The following TEX11 variants were observed in gnomAD, a reference collection of about 807,000 sequenced individuals.
The protein encoded by TEX11 is testis expressed 11, also known as testis-expressed protein 11.
In TEX11, 7 loss-of-function variants were observed where a neutral mutation model predicts 84.4. That is an observed-to-expected ratio of 0.08 (90% confidence interval 0.05 to 0.16). The LOEUF is 0.16. Ranked by LOEUF, TEX11 falls within the 10% of genes least tolerant of loss-of-function variation. The pLI is 1.00. For missense variants in TEX11, 551 were observed against 660.5 expected, an observed-to-expected ratio of 0.83 and a Z score of 1.82; for synonymous variants, 264 against 222.8, an observed-to-expected ratio of 1.18 and a Z score of -1.64.
chrX:70,818,030 T>C (rs901044639), intron 8 of TEX11, among the ~76,000 whole-genome samples: 2 of 111,406 alleles, frequency 1.8e-5, no homozygotes, highest in Non-Finnish European at 3.8e-5. Context: ...CTCCAGAGCC[T>C]GTAATCCCAG....
chrX:70,516,594 A>G, the TEX11 span, among the ~76,000 whole-genome samples: 2 of 111,574 alleles, frequency 1.8e-5, no homozygotes, highest in African/African-American at 6.5e-5. Flanking sequence ...GGATTGTCTT[A>G]GCAATGCGGG....
At chrX:70,867,758 A>C (rs1451931058) in intron 4 of TEX11, among the ~76,000 whole-genome samples, 2 of 110,029 alleles carry the variant, frequency 1.8e-5, no homozygotes, top group East Asian at 5.6e-4. Flanking sequence ...CAAACTTGAC[A>C]AAAAAAAAGC....
chrX:70,525,032 T>G (rs2087810214), downstream of TEX11, among the ~76,000 whole-genome samples: 4 of 110,599 alleles, frequency 3.6e-5, no homozygotes. Context: ...ATAAAAAAAA[T>G]TAGCTAATCA....
At chrX:70,772,442 C>T (rs749708487) in intron 9 of TEX11, among the ~76,000 whole-genome samples, 10 of 110,525 alleles carry the variant, frequency 9.0e-5, no homozygotes, top group South Asian at 7.9e-4. Flanking sequence ...GGCATGGTGA[C>T]GCACACCTGT....
chrX:70,855,348 T>C (rs1387042807), intron 5 of TEX11, among the ~76,000 whole-genome samples: 1 of 110,215 alleles, frequency 9.1e-6, no homozygotes, highest in Non-Finnish European at 1.9e-5. Flanking sequence ...GTGGAAAGCC[T>C]GAGCTCAGTA....
intron 13 of TEX11, among the ~76,000 whole-genome samples, chrX:70,701,832 G>A (rs905907893): frequency 3.6e-5 from 4 of 111,515 alleles, no homozygotes; most frequent in Non-Finnish European, 5.7e-5. Flanking sequence ...ACTTGGAGGG[G>A]TTCAAGACTT....
chrX:70,702,948 T>C (rs73542943), intron 13 of TEX11, among the ~76,000 whole-genome samples: 7,796 of 111,507 alleles, frequency 0.07, 577 homozygotes, highest in African/African-American at 0.21. Flanking sequence ...CAAATCATAG[T>C]AGTAGCAAAC....
intron 28 of TEX11, among the ~76,000 whole-genome samples, chrX:70,533,846 G>C (rs1297806129): frequency 1.8e-5 from 2 of 110,569 alleles, no homozygotes; most frequent in Non-Finnish European, 3.8e-5. Context: ...GTAATCCCAG[G>C]ACTTTGGGAG....
At chrX:70,901,955 A>G (rs990050649) in intron 2 of TEX11, among the ~76,000 whole-genome samples, 2 of 113,064 alleles carry the variant, frequency 1.8e-5, no homozygotes, top group Non-Finnish European at 3.7e-5. Context: ...TAAAAATATA[A>G]AAGATTAAAA....
intron 17 of TEX11, among the ~76,000 whole-genome samples, chrX:70,645,769 G>C (rs1237774619): frequency 3.6e-5 from 4 of 111,316 alleles, no homozygotes; most frequent in Non-Finnish European, 7.5e-5. Context: ...ATGAAAGAAA[G>C]TGAAGAAAAC....
intron 7 of TEX11, among the ~76,000 whole-genome samples, chrX:70,838,159 C>T (rs771044875): frequency 3.1e-4 from 35 of 112,015 alleles, no homozygotes; most frequent in African/African-American, 1.1e-3. Flanking sequence ...TAGCTCACAC[C>T]TGCAATCCCA....
At position 70,812,673 on chromosome X, in the gene TEX11, A is replaced by G. The variant is rs12392221; in HGVS notation, c.607-5883T>C. The stretch of plus-strand genomic sequence containing the variant: ...GAATCCAGGAGCTGGTTTTTTGAAA[A>G]GATCAACAAAATTGATAGATCGCTA... On this transcript the variant is annotated intron_variant, in intron 8 of 29. Transcript: ENST00000374333. 8.7e-3 allele frequency among the ~76,000 whole-genome samples: 972 copies of G among 111,305 alleles called. 13 individuals carry two copies. Among genetic ancestry groups the G allele is most frequent in the African/African-American group, 0.03 (918 of 30,642 alleles).
rs766266606 is a variant in TEX11, at chrX:70,851,889, T to C, written c.525+1145A>G. 1.7e-3 allele frequency among the ~76,000 whole-genome samples: 187 copies of C among 111,709 alleles called. 5 individuals carry two copies. Among genetic ancestry groups the C allele is most frequent in the Non-Finnish European group, 4.3e-4 (23 of 53,154 alleles). The stretch of plus-strand genomic sequence containing the variant: ...GAAGCTAATCACAAAAGACCACTTA[T>C]TGCATGATTATATTAATATGAAATG... On this transcript the variant is annotated intron_variant, in intron 7 of 29. Transcript: ENST00000374333.
At chrX:70,545,389 C>T (rs890211725) in intron 28 of TEX11, among the ~76,000 whole-genome samples, 5 of 111,136 alleles carry the variant, frequency 4.5e-5, no homozygotes, top group Non-Finnish European at 9.4e-5. Context: ...AACTAAGACA[C>T]AAACACATAT....
At chrX:70,516,884 T>C in the TEX11 span, among the ~76,000 whole-genome samples, 2 of 111,682 alleles carry the variant, frequency 1.8e-5, no homozygotes, top group South Asian at 7.6e-4. Flanking sequence ...TTTGTAGTAA[T>C]TGTGAATGGG....
intron 9 of TEX11, among the ~76,000 whole-genome samples, chrX:70,793,633 CTA>C (rs1327954116): frequency 1.8e-5 from 2 of 111,907 alleles, no homozygotes; most frequent in Non-Finnish European, 3.8e-5. Context: ...GATGACAGCA[CTA>C]TGTTTCCTGT....
chrX:70,828,548 C>A (rs777859072), intron 8 of TEX11, among the ~76,000 whole-genome samples: 12 of 106,717 alleles, frequency 1.1e-4, no homozygotes, highest in Non-Finnish European at 1.7e-4. Context: ...TCAGAGGAGA[C>A]AAAAGAAAAA....
chrX:70,580,063 C>T (rs1386817454), intron 25 of TEX11, among the ~76,000 whole-genome samples: 2 of 112,270 alleles, frequency 1.8e-5, no homozygotes, highest in African/African-American at 6.5e-5. Flanking sequence ...AACTGCCCAT[C>T]AGCAGATGAA....
At chrX:70,756,605 A>T (rs1160583959) in intron 9 of TEX11, among the ~76,000 whole-genome samples, 1 of 111,785 alleles carries the variant, frequency 8.9e-6, no homozygotes, top group Non-Finnish European at 1.9e-5. Flanking sequence ...CCAAAACCCC[A>T]TCTGTAGGTC....
Sources: allele counts gnomAD v4.1 joint callset (sites outside exome capture counted in the v4.1 genomes callset), GRCh38; gene constraint gnomAD v4.1.1; transcripts MANE v1.5; gene names NCBI Gene and HGNC (gene_info 2026-07-23, HGNC 2026-07-21).